Variants in MESD observed in about 807,000 individuals in gnomAD.
The protein encoded by MESD is LRP chaperone MESD.
MESD carries 7 observed loss-of-function variants against 12.9 expected under a neutral mutation model. That is an observed-to-expected ratio of 0.54 (90% CI 0.31 to 1.02). MESD has a LOEUF of 1.02. Among genes scored for constraint, MESD ranks in the 50% least tolerant of loss-of-function variants. The pLI is 0.05. For synonymous variants in MESD, 126 were observed against 115.6 expected, an observed-to-expected ratio of 1.09 and a Z score of -0.58; for missense variants, 342 against 296.7, an observed-to-expected ratio of 1.15 and a Z score of -1.12.
chr15:80,957,033 C>T (rs1253381970), intron 3 of MESD, among the ~76,000 whole-genome samples: 4 of 151,936 alleles, frequency 2.6e-5, no homozygotes, highest in Non-Finnish European at 4.4e-5. Flanking sequence ...CTGTGTAGCC[C>T]AGGCTGCTCT....
At chr15:80,984,274 C>CA (rs1439899852) in intron 1 of MESD, among the ~76,000 whole-genome samples, 15 of 151,570 alleles carry the variant, frequency 9.9e-5, no homozygotes, top group Non-Finnish European at 2.1e-4. Flanking sequence ...TGCCAGCAAC[C>CA]AAAAAAAATG....
intron 1 of MESD, among the ~76,000 whole-genome samples, chr15:80,983,890 GTAACT>G: frequency 7.4e-6 from 1 of 135,002 alleles, no homozygotes; most frequent in Non-Finnish European, 1.6e-5. Context: ...ATAGAAAACA[GTAACT>G]TTTTTTTTTT....
Position 80,977,312 on chromosome 15 carries a change from C to CA in MESD, c.*1906dup, listed in dbSNP as rs1902442609. 6.6e-6 allele frequency: 1 copy of CA among 152,264 alleles called. No individual in the cohort carries two copies. The highest frequency in any genetic ancestry group is 2.1e-4 in the South Asian group (1 of 4,826). 9.4% of individuals were successfully genotyped at this position (152,264 alleles called of 1,614,324 possible). On this transcript the variant is annotated 3_prime_UTR_variant, in exon 3 of 3. Transcript: ENST00000261758. Reference sequence around the variant, plus strand: ...CTAACAGCTGCCATTTTACTTTGTACATTACTGACATTTGTCTTCCCCCAC... The same window carrying CA: ...CTAACAGCTGCCATTTTACTTTGTACAATTACTGACATTTGTCTTCCCCCAC...
chr15:80,978,504 G>A lies in MESD; in HGVS notation c.*715C>T, dbSNP rs1902481048. On this transcript the variant is annotated 3_prime_UTR_variant, in exon 3 of 3. Coordinates refer to ENST00000261758, the MANE Select transcript of MESD (RefSeq NM_015154.3). ...TCCTTTAAAACTGTCACATTAAATG[G>A]AACATATAACCCCTCGACACCAGCA... 6.6e-6 allele frequency: 1 copy of A among 152,066 alleles called. No individual in the cohort carries two copies. Among genetic ancestry groups the A allele is most frequent in the Non-Finnish European group, 1.5e-5 (1 of 68,028 alleles). The allele number at this position is 152,066 out of a possible 1,614,324, so 9.4% of individuals were successfully genotyped here.
In MESD at chr15:80,979,474, G is replaced by A; in HGVS notation, c.450C>T (p.Phe150=). The part of the protein sequence containing the change: ...LFNANYDVQR[F]IVGSDRAIFM... ...AGATAGCACGGTCTGATCCCACAAT[G>A]AACCTTGGGCAGAGAGATGCAATCA... The change falls in exon 3 of 3, where the codon TTC becomes TTT. Residue 150 remains phenylalanine (F), a synonymous_variant. Coordinates refer to ENST00000261758, the MANE Select transcript of MESD (RefSeq NM_015154.3). The A allele has an allele frequency of 6.2e-7, 1 of 1,613,778 alleles. No homozygotes were observed. Among genetic ancestry groups the A allele is most frequent in the Non-Finnish European group, 8.5e-7 (1 of 1,179,720 alleles).
rs115540626 is a variant in MESD at position 80,959,267 on chromosome 15, A to T, written c.*289-6971T>A. Among the ~76,000 whole-genome samples the T allele has an allele frequency of 8.3e-3, 1,261 of 152,300 alleles. 20 individuals carry two copies. Among genetic ancestry groups the T allele is most frequent in the African/African-American group, 0.029 (1,206 of 41,558 alleles). On this transcript the variant is annotated intron_variant, in intron 3 of 4. Transcript: ENST00000561312. ...GTGCCTCTCGCCCAGAGATGACCGA[A>T]GGTAGATGGAGGCTGGAGCTGCCGC...
chr15:80,979,703 T>C (rs1434860369), intron 2 of MESD, among the ~76,000 whole-genome samples: 1 of 152,226 alleles, frequency 6.6e-6, no homozygotes, highest in Admixed American at 6.5e-5. Flanking sequence ...AGACACTGGA[T>C]GTTCCTTTGT....
chr15:80,949,336 G>A (rs749683324), intron 4 of MESD: 1 of 323,056 alleles, frequency 3.1e-6, no homozygotes, highest in Non-Finnish European at 6.1e-6. Context: ...ATGGTCTTCA[G>A]CAGACAAGTG....
At chr15:80,988,273 G>A (rs111767260) in intron 1 of MESD, among the ~76,000 whole-genome samples, 2 of 152,156 alleles carry the variant, frequency 1.3e-5, no homozygotes, top group Non-Finnish European at 2.9e-5. Context: ...TCATGGATGG[G>A]GTAAAAGGAT....
At chr15:80,962,735 T>A (rs931129322) in intron 3 of MESD, among the ~76,000 whole-genome samples, 1 of 152,208 alleles carries the variant, frequency 6.6e-6, no homozygotes, top group Non-Finnish European at 1.5e-5. Context: ...CCTGAATGAC[T>A]ACTGGGTAAA....
downstream of MESD, chr15:80,947,292 C>T: frequency 2.0e-6 from 1 of 509,456 alleles, no homozygotes; most frequent in Non-Finnish European, 3.6e-6. Context: ...TTGCCACCAG[C>T]CACTGAAAGA....
At chr15:80,965,820 G>T (rs973257632) in intron 3 of MESD, among the ~76,000 whole-genome samples, 1 of 152,170 alleles carries the variant, frequency 6.6e-6, no homozygotes, top group East Asian at 1.9e-4. Flanking sequence ...GGGGACTGGG[G>T]GAAGGATAGC....
At position 80,989,646 on chromosome 15, in the gene MESD, CG is replaced by C; in HGVS notation, c.145del (p.Arg49GlyfsTer48). ...ATCGCGAATATCCTTCTTCTTCTTCCGGGGAGGTGGGGTAGACTCGTCGGGC... is the reference window on the plus strand; with the variant it reads ...ATCGCGAATATCCTTCTTCTTCTTCCGGGAGGTGGGGTAGACTCGTCGGGC... ...GTPDESTPPP[R>X]KKKKDIRDYN... On this transcript the variant is annotated frameshift_variant, in exon 1 of 3. Transcript: ENST00000261758. LOFTEE classifies it high-confidence loss of function. 6.2e-7 allele frequency: 1 copy of C among 1,613,952 alleles called. No individual in the cohort carries two copies. Among genetic ancestry groups the C allele is most frequent in the Non-Finnish European group, 8.5e-7 (1 of 1,180,004 alleles).
At chr15:80,953,515 G>A (rs1216071668) in intron 3 of MESD, among the ~76,000 whole-genome samples, 1 of 152,210 alleles carries the variant, frequency 6.6e-6, no homozygotes, top group Non-Finnish European at 1.5e-5. Context: ...GGTGACCAGT[G>A]GGCACCTTCC....
intron 2 of MESD, 48 bp downstream of exon 2, chr15:80,981,902 A>G: frequency 8.0e-7 from 1 of 1,251,918 alleles, no homozygotes; most frequent in Non-Finnish European, 1.1e-6. Flanking sequence ...AATAAAGAAA[A>G]GACCGAGCAC....
chr15:80,977,758 G>A lies in MESD; in HGVS notation c.*1461C>T, dbSNP rs1407032864. 1 of 152,230 alleles carries A rather than the reference G, an allele frequency of 6.6e-6. No individual in the cohort carries two copies. The highest frequency in any genetic ancestry group is 6.5e-5 in the Admixed American group (1 of 15,280). The allele number at this position is 152,230 out of a possible 1,614,324, so 9.4% of individuals were successfully genotyped here. On this transcript the variant is annotated 3_prime_UTR_variant, in exon 3 of 3. Coordinates refer to ENST00000261758, the MANE Select transcript of MESD (RefSeq NM_015154.3). ...ACTGTCAGACAGTTCTCTTCTCCAA[G>A]GGCGGGGCCTACAACAGCTCCCGCT...
At chr15:80,970,822 G>C (rs1204592850), downstream of MESD, among the ~76,000 whole-genome samples, 1 of 152,180 alleles carries the variant, frequency 6.6e-6, no homozygotes, top group Non-Finnish European at 1.5e-5. Context: ...GAGCAGGATG[G>C]GGGCAGTAGA....
chr15:80,975,242 A>G (rs1902381602), downstream of MESD, among the ~76,000 whole-genome samples: 1 of 150,778 alleles, frequency 6.6e-6, no homozygotes, highest in Non-Finnish European at 1.5e-5. Flanking sequence ...AAACCTAGCC[A>G]GGCATAGTGG....
chr15:80,948,675 T>C, exon 5 of MESD: 1 of 1,300,204 alleles, frequency 7.7e-7, no homozygotes, highest in Admixed American at 1.7e-5. Context: ...GGGGCCACAG[T>C]GCAGTGTGGC....
Sources: allele counts gnomAD v4.1 joint callset (sites outside exome capture counted in the v4.1 genomes callset), GRCh38; gene constraint gnomAD v4.1.1; transcripts MANE v1.5; gene names NCBI Gene and HGNC (gene_info 2026-07-23, HGNC 2026-07-21).